The following SYCP2L variants were observed in gnomAD, a reference collection of about 807,000 sequenced individuals.
The protein encoded by SYCP2L is synaptonemal complex protein 2 like.
Under a neutral mutation model 125.8 loss-of-function variants are expected in SYCP2L, and 98 were observed. The observed-to-expected ratio is 0.78, with a 90% CI of 0.66 to 0.92. The LOEUF (loss-of-function observed/expected upper bound fraction) is 0.92. Ranked by LOEUF, SYCP2L falls within the 40% of genes least tolerant of loss-of-function variation. The pLI, the probability that SYCP2L is intolerant of heterozygous loss-of-function variation, is 0.00. For missense variants in SYCP2L, 842 were observed against 936.4 expected, an observed-to-expected ratio of 0.90 and a Z score of 1.32; for synonymous variants, 317 against 325.4, an observed-to-expected ratio of 0.97 and a Z score of 0.28.
intron 17 of SYCP2L, among the ~76,000 whole-genome samples, chr6:10,927,819 C>T (rs1019593832): frequency 1.3e-5 from 2 of 152,112 alleles, no homozygotes; most frequent in South Asian, 2.1e-4. Context: ...CTTATTTTAT[C>T]CCTACAGTCT....
intron 14 of SYCP2L, among the ~76,000 whole-genome samples, chr6:10,913,895 G>T (rs578099995): frequency 4.0e-5 from 6 of 151,560 alleles, no homozygotes; most frequent in Non-Finnish European, 8.8e-5. Context: ...GCAATGGCGC[G>T]ATCTTGGCTC....
Position 10,926,379 on chromosome 6 carries a change from G to T in SYCP2L, c.1259G>T (p.Ser420Ile). Residue 420 changes from serine (S) to isoleucine (I), a missense_variant, in exon 16 of 30, where the codon AGT becomes ATT. Coordinates refer to ENST00000283141, the MANE Select transcript of SYCP2L (RefSeq NM_001040274.3). ...ACGAAAATCTCCTCAGAACTTTTTAGTAAGTCTGATAAAGAAGACAGGGAG... is the reference window on the plus strand; with the variant it reads ...ACGAAAATCTCCTCAGAACTTTTTATTAAGTCTGATAAAGAAGACAGGGAG... ...DQTKISSELF[S>I]KSDKEDRESP... is the part of the protein sequence containing the mutation. The T allele has an allele frequency of 6.2e-7, 1 of 1,613,568 alleles. No individual in the cohort carries two copies. Among genetic ancestry groups the T allele is most frequent in the Non-Finnish European group, 8.5e-7 (1 of 1,179,818 alleles).
chr6:10,957,826 T>A (rs1020018937), intron 25 of SYCP2L, among the ~76,000 whole-genome samples: 9 of 152,098 alleles, frequency 5.9e-5, no homozygotes, highest in East Asian at 3.9e-4. Context: ...CTATTTTTTT[T>A]AAAAAAGAGC....
intron 10 of SYCP2L, among the ~76,000 whole-genome samples, chr6:10,908,551 C>G (rs1320793891): frequency 1.3e-5 from 2 of 152,106 alleles, no homozygotes; most frequent in Non-Finnish European, 2.9e-5. Flanking sequence ...ATAGCTAGAA[C>G]ATTTTCCCTC....
chr6:10,961,322 G>A lies in SYCP2L; in HGVS notation c.2273G>A (p.Arg758His), dbSNP rs780559574. Residue 758 changes from arginine to histidine, a missense_variant, in exon 27 of 30, where the codon CGC becomes CAC. By Grantham distance (29) the Arg-to-His change is conservative. Transcript: ENST00000283141. ...TTTATTAGACTCAATAAACTAGAGC[G>A]CTTTCAAAATTTGGTTCTTCAAGAG... The part of the protein sequence containing the change: ...MQLFRLNKLE[R>H]FQNLVLQELS... 1.0e-4 allele frequency: 165 copies of A among 1,613,946 alleles called. No individual in the cohort carries two copies. The highest frequency in any genetic ancestry group is 1.3e-4 in the Non-Finnish European group (155 of 1,179,968).
intron 1 of SYCP2L, among the ~76,000 whole-genome samples, chr6:10,889,616 C>CTTTTTTTTTTTTTTTTTTTTT: frequency 9.9e-6 from 1 of 101,412 alleles, no homozygotes; most frequent in Admixed American, 9.9e-5. Flanking sequence ...TGAGATCAGC[C>CTTTTTTTTTTTTTTTTTTTTT]TTTTTTTTTT....
chr6:10,949,714 G>A (rs1324003815), intron 23 of SYCP2L, among the ~76,000 whole-genome samples: 2 of 115,616 alleles, frequency 1.7e-5, no homozygotes, highest in African/African-American at 6.0e-5. Flanking sequence ...ATATTTACCT[G>A]ATACATCTTT....
chr6:10,889,782 G>A (rs571452905), intron 1 of SYCP2L, among the ~76,000 whole-genome samples: 78 of 152,106 alleles, frequency 5.1e-4, no homozygotes, highest in African/African-American at 1.2e-3. Context: ...CACCCTGCCC[G>A]GATAATTTTC....
intron 12 of SYCP2L, among the ~76,000 whole-genome samples, chr6:10,911,219 C>T (rs144468016): frequency 5.3e-4 from 81 of 152,162 alleles, no homozygotes; most frequent in African/African-American, 1.9e-3. Context: ...TGCTTCTTTC[C>T]TTCCGGTTTA....
chr6:10,955,439 T>C (rs1315017859), intron 24 of SYCP2L, among the ~76,000 whole-genome samples: 1 of 152,226 alleles, frequency 6.6e-6, no homozygotes, highest in Non-Finnish European at 1.5e-5. Flanking sequence ...TTCTTCCTCG[T>C]AACTCTTCCT....
At chr6:10,923,683 CT>C (rs372980518) in intron 14 of SYCP2L, among the ~76,000 whole-genome samples, 29,430 of 121,584 alleles carry the variant, frequency 0.24, 3,564 homozygotes, top group East Asian at 0.32. Context: ...TTTTCTTTTT[CT>C]TTTTTTTTTT....
At chr6:10,949,561 G>T (rs1489360947) in intron 23 of SYCP2L, among the ~76,000 whole-genome samples, 2 of 152,074 alleles carry the variant, frequency 1.3e-5, no homozygotes, top group African/African-American at 4.8e-5. Context: ...TAAGTGTTCT[G>T]TATGTACTTA....
intron 21 of SYCP2L, among the ~76,000 whole-genome samples, chr6:10,939,764 CA>C (rs1471384626): frequency 6.6e-6 from 1 of 152,114 alleles, no homozygotes; most frequent in Non-Finnish European, 1.5e-5. Flanking sequence ...CTGTACAAGA[CA>C]AAAATAGGGA....
chr6:10,931,224 CAA>C (rs1780991103), intron 19 of SYCP2L, among the ~76,000 whole-genome samples: 1 of 152,138 alleles, frequency 6.6e-6, no homozygotes, highest in Admixed American at 6.5e-5. Flanking sequence ...CATTCAGGGA[CAA>C]AGTCTAGAGC....
chr6:10,897,411 T>G (rs1347061206), intron 4 of SYCP2L, among the ~76,000 whole-genome samples: 2 of 3,742 alleles, frequency 5.3e-4, no homozygotes, highest in African/African-American at 1.0e-3. Context: ...CACTTATCTC[T>G]TTTTTTTTTT....
At chr6:10,935,649 C>G (rs1781080313) in intron 21 of SYCP2L, among the ~76,000 whole-genome samples, 1 of 152,070 alleles carries the variant, frequency 6.6e-6, no homozygotes, top group Non-Finnish European at 1.5e-5. Flanking sequence ...CTCAGCCTCC[C>G]ATGCCCGGCT....
chr6:10,953,887 A>G (rs1409483001), intron 23 of SYCP2L, among the ~76,000 whole-genome samples: 1 of 152,088 alleles, frequency 6.6e-6, no homozygotes, highest in African/African-American at 2.4e-5. Context: ...GGATGGAGAA[A>G]TCCTTGGTGC....
At chr6:10,953,732 A>C (rs1306728792) in intron 23 of SYCP2L, among the ~76,000 whole-genome samples, 1 of 152,210 alleles carries the variant, frequency 6.6e-6, no homozygotes, top group East Asian at 1.9e-4. Flanking sequence ...GCCTGCCCTC[A>C]CTGGGCCTTA....
chr6:10,939,208 TA>T (rs1781169431), intron 21 of SYCP2L, among the ~76,000 whole-genome samples: 2 of 152,062 alleles, frequency 1.3e-5, no homozygotes, highest in Non-Finnish European at 2.9e-5. Context: ...CTGAAAACTA[TA>T]AGACATTGAT....
Sources: allele counts gnomAD v4.1 joint callset (sites outside exome capture counted in the v4.1 genomes callset), GRCh38; gene constraint gnomAD v4.1.1; transcripts MANE v1.5; gene names NCBI Gene and HGNC (gene_info 2026-07-23, HGNC 2026-07-21).